The following PLCE1 variants were observed in gnomAD, a reference collection of about 807,000 sequenced individuals.
The protein encoded by PLCE1 is phospholipase C epsilon 1, also known as 1-phosphatidylinositol 4,5-bisphosphate phosphodiesterase epsilon-1.
PLCE1 carries 119 observed loss-of-function variants against 242.8 expected under a neutral mutation model. The observed-to-expected ratio is 0.49, with a 90% confidence interval of 0.42 to 0.57. The LOEUF (loss-of-function observed/expected upper bound fraction) is 0.57, where lower values mean the gene tolerates loss of function less well. Ranked by LOEUF, PLCE1 falls within the 20% of genes least tolerant of loss-of-function variation. The pLI, the probability that PLCE1 is intolerant of heterozygous loss-of-function variation, is 0.00. For synonymous variants in PLCE1, 945 were observed against 1,017.4 expected, an observed-to-expected ratio of 0.93 and a Z score of 1.35; for missense variants, 2,441 against 2,788.8, an observed-to-expected ratio of 0.88 and a Z score of 2.81.
rs1564634768 is a variant in PLCE1 at position 94,031,476 on chromosome 10, C to G, written c.430C>G (p.Leu144Val). 6.2e-7 allele frequency: 1 copy of G among 1,613,300 alleles called. No homozygotes were observed. Among genetic ancestry groups the G allele is most frequent in the Non-Finnish European group, 8.5e-7 (1 of 1,179,710 alleles). ...LCLETGIPSP[L>V]ERKVFPGIQL... ...TTTAGAAACTGGAATTCCTTCTCCA[C>G]TGGAAAGAAAGGTGTTCCCTGGAAT... is the stretch of plus-strand genomic sequence containing the variant. The change falls in exon 2 of 33, where the codon CTG becomes GTG. Residue 144 changes from leucine to valine, a missense_variant. Transcript: ENST00000371380.
At chr10:94,293,355 CTAT>C (rs987508299) in intron 22 of PLCE1, among the ~76,000 whole-genome samples, 150 bp from the exon 23 acceptor site, 4 of 152,150 alleles carry the variant, frequency 2.6e-5, no homozygotes, top group African/African-American at 7.2e-5. Context: ...GCCTACAATG[CTAT>C]TATTAACAGA....
chr10:94,324,730 T>C (rs779723804), intron 31 of PLCE1, among the ~76,000 whole-genome samples, 162 bp from the exon 32 acceptor site: 1 of 152,068 alleles, frequency 6.6e-6, no homozygotes, highest in African/African-American at 2.4e-5. Flanking sequence ...TGAAAAAACA[T>C]GTGGCCGAGC....
At chr10:94,285,659 C>T (rs1057229855) in intron 22 of PLCE1, among the ~76,000 whole-genome samples, 3 of 152,120 alleles carry the variant, frequency 2.0e-5, no homozygotes, top group East Asian at 3.9e-4. Flanking sequence ...CAGAACTTCC[C>T]GCAGAAGTGT....
chr10:94,003,152 A>G (rs1036234678), intron 1 of PLCE1, among the ~76,000 whole-genome samples: 3 of 152,218 alleles, frequency 2.0e-5, no homozygotes, highest in African/African-American at 7.2e-5. Context: ...TCTCTTTTAA[A>G]TTAGTAATTC....
chr10:94,269,507 T>C (rs985942979), intron 17 of PLCE1, among the ~76,000 whole-genome samples: 2 of 152,194 alleles, frequency 1.3e-5, no homozygotes, highest in African/African-American at 4.8e-5. Flanking sequence ...TGCTGTATCA[T>C]GTGGAATGTG....
chr10:94,271,904 C>A (rs1450063175), intron 18 of PLCE1, among the ~76,000 whole-genome samples: 1 of 152,118 alleles, frequency 6.6e-6, no homozygotes, highest in Non-Finnish European at 1.5e-5. Flanking sequence ...GCAAACCCAG[C>A]AAGTTTTATT....
In PLCE1 at chr10:94,234,044, C is replaced by T. The variant is rs117055621; in HGVS notation, c.1956-10C>T. 3.5e-5 allele frequency: 56 copies of T among 1,610,868 alleles called. No individual in the cohort carries two copies. In the East Asian group the frequency reaches 1.0e-3, roughly 29 times the overall value. On this transcript the variant is annotated splice_polypyrimidine_tract_variant and intron_variant, in intron 5 of 32. Transcript: ENST00000371380. ...CCTTCAGTCTGAAAAATGTCATTTA[C>T]TTGCAATAGGTCAAGAAAAGTTTTA...
chr10:94,132,452 G>T lies in PLCE1; in HGVS notation c.1485G>T (p.Met495Ile). 1 of 1,613,872 alleles carries T rather than the reference G, an allele frequency of 6.2e-7. No individual in the cohort carries two copies. The highest frequency in any genetic ancestry group is 8.5e-7 in the Non-Finnish European group (1 of 1,179,868). The change falls in exon 3 of 33, where the codon ATG becomes ATT. Residue 495 changes from methionine (M) to isoleucine (I), a missense_variant. Physicochemically the swap from Met to Ile is conservative, Grantham distance 10. This residue lies in a region of PLCE1 where 733 missense variants were observed against 754.2 expected (regional missense o/e 0.97). Transcript: ENST00000371380. ...TTGGAGGATCCACTGGACGAATGAT[G>T]CTGAAAGGTAATGCCTGAAATTTCA... ...STFGGSTGRM[M>I]LKERQPGPSV...
chr10:94,183,563 A>C (rs1199192452), intron 4 of PLCE1, among the ~76,000 whole-genome samples: 1 of 152,196 alleles, frequency 6.6e-6, no homozygotes, highest in Non-Finnish European at 1.5e-5. Flanking sequence ...CAGGCCATCA[A>C]CCAGAGTTTG....
intron 3 of PLCE1, among the ~76,000 whole-genome samples, chr10:94,166,714 C>A (rs2047817332): frequency 6.6e-6 from 1 of 152,024 alleles, no homozygotes; most frequent in East Asian, 1.9e-4. Context: ...CCCTGTCTCT[C>A]AATAGCAGCT....
chr10:94,116,458 G>A (rs1039048781), intron 2 of PLCE1, among the ~76,000 whole-genome samples: 1 of 152,194 alleles, frequency 6.6e-6, no homozygotes, highest in Non-Finnish European at 1.5e-5. Context: ...ACTTTGGGAG[G>A]CTGAGGCAGG....
At chr10:94,165,001 G>A (rs1206475220) in intron 3 of PLCE1, among the ~76,000 whole-genome samples, 1 of 152,184 alleles carries the variant, frequency 6.6e-6, no homozygotes, top group Non-Finnish European at 1.5e-5. Flanking sequence ...TGGAAGTTTT[G>A]TCTCAGAGGA....
intron 32 of PLCE1, chr10:94,325,305 A>T: frequency 1.9e-6 from 1 of 525,506 alleles, no homozygotes; most frequent in Non-Finnish European, 3.4e-6. Context: ...CCTATAAAGA[A>T]AAAGGGAAAG....
intron 3 of PLCE1, among the ~76,000 whole-genome samples, chr10:94,149,300 G>C (rs2047206129): frequency 6.6e-6 from 1 of 152,170 alleles, no homozygotes; most frequent in Non-Finnish European, 1.5e-5. Flanking sequence ...GAGGCTACTT[G>C]AATCAGTCTT....
rs140530266 is a variant in PLCE1, at chr10:94,232,225, T to C, written c.1956-1829T>C. Among the ~76,000 whole-genome samples the C allele has an allele frequency of 7.3e-3, 1,107 of 152,310 alleles. 11 individuals are homozygous for C. The highest frequency in any genetic ancestry group is 0.023 in the African/African-American group (963 of 41,560). ...GAGATTGGCACATGGGTGTTTGTCA[T>C]GTTGTACTTCTTTATGTCTTTGGAT... On this transcript the variant is annotated intron_variant, in intron 5 of 32. Transcript: ENST00000371380.
At chr10:94,132,555 A>G (rs1447095749) in intron 3 of PLCE1, 96 bp downstream of exon 3, 1 of 1,224,466 alleles carries the variant, frequency 8.2e-7, no homozygotes, top group Non-Finnish European at 1.2e-6. Context: ...AATTAAGTTC[A>G]CTTTTCAGCA....
At chr10:94,005,829 G>A (rs1399848571) in intron 1 of PLCE1, among the ~76,000 whole-genome samples, 4 of 152,160 alleles carry the variant, frequency 2.6e-5, no homozygotes, top group Admixed American at 2.0e-4. Context: ...GTCATGACAC[G>A]CTGCTGCCTT....
intron 4 of PLCE1, among the ~76,000 whole-genome samples, chr10:94,172,584 T>C (rs1425040860): frequency 6.6e-6 from 1 of 152,118 alleles, no homozygotes; most frequent in Non-Finnish European, 1.5e-5. Flanking sequence ...CCCAGTGCTT[T>C]AGGAGGGTGA....
In PLCE1 at chr10:93,994,233, CG is replaced by C. The variant is rs1300693923; in HGVS notation, c.-388del. The stretch of plus-strand genomic sequence containing the variant: ...AGAGGGACGCTGCGCTTGGGGACGC[CG>C]GCGAGACTCGCCAGGAGCCAAGAGG... On this transcript the variant is annotated 5_prime_UTR_variant, in exon 1 of 33. Transcript: ENST00000371380. Among the ~76,000 whole-genome samples, 3 of 152,150 alleles carry C rather than the reference CG, an allele frequency of 2.0e-5. No homozygotes were observed. Among genetic ancestry groups the C allele is most frequent in the Admixed American group, 6.5e-5 (1 of 15,288 alleles).
Sources: allele counts gnomAD v4.1 joint callset (sites outside exome capture counted in the v4.1 genomes callset), GRCh38; gene constraint gnomAD v4.1.1; regional missense constraint gnomAD v4.1.1; transcripts MANE v1.5; gene names NCBI Gene and HGNC (gene_info 2026-07-23, HGNC 2026-07-21).